Variants in RUNX2 observed in about 807,000 individuals in gnomAD.
The protein encoded by RUNX2 is runt-related transcription factor 2.
A neutral mutation model predicts 51.7 loss-of-function variants in RUNX2; 10 were observed. The observed-to-expected ratio is 0.19, with a 90% CI of 0.12 to 0.33. The LOEUF is 0.33. Ranked by LOEUF, RUNX2 falls within the 10% of genes least tolerant of loss-of-function variation. The probability of loss-of-function intolerance (pLI) is 1.00; values close to 1 mark genes in which losing one functional copy is unlikely to be tolerated. For synonymous variants in RUNX2, 276 were observed against 273.6 expected, an observed-to-expected ratio of 1.01 and a Z score of -0.09; for missense variants, 562 against 691.3, an observed-to-expected ratio of 0.81 and a Z score of 2.10.
In RUNX2 at chr6:45,422,774, G is replaced by T. The variant is rs6921145; in HGVS notation, c.240G>T (p.Ala80=). The T allele has an allele frequency of 5.4e-6, 8 of 1,488,192 alleles. No homozygotes were observed. In the East Asian group the frequency reaches 1.7e-4, roughly 31 times the overall value. 92.2% of individuals were successfully genotyped at this position (1,488,192 alleles called of 1,614,324 possible). A position where few individuals can be genotyped will look rare whatever the true frequency, so the allele number is the denominator to read the frequency against. Residue 80 remains alanine (A), a synonymous_variant, in exon 3 of 9, where the codon GCG becomes GCT. Coordinates refer to ENST00000647337, the MANE Select transcript of RUNX2 (RefSeq NM_001024630.4). ...QQEAAAAAAA[A]AAAAAAAAAV... is the part of the protein sequence containing the mutation. The stretch of plus-strand genomic sequence containing the variant: ...AGGCGGCGGCGGCGGCTGCGGCGGC[G>T]GCGGCGGCTGCGGCGGCGGCAGCTG...
At chr6:45,368,592 C>T (rs1028824274) in intron 2 of RUNX2, among the ~76,000 whole-genome samples, 2 of 152,024 alleles carry the variant, frequency 1.3e-5, no homozygotes, top group Non-Finnish European at 2.9e-5. Context: ...CTTAAAAGAC[C>T]TCAAATTGTT....
At chr6:45,483,223 A>T (rs1368636819) in intron 5 of RUNX2, among the ~76,000 whole-genome samples, 1 of 152,204 alleles carries the variant, frequency 6.6e-6, no homozygotes, top group Non-Finnish European at 1.5e-5. Flanking sequence ...TCATTATTCT[A>T]GTCCAGAAAT....
At chr6:45,522,017 C>T (rs889889474) in intron 7 of RUNX2, among the ~76,000 whole-genome samples, 1 of 152,044 alleles carries the variant, frequency 6.6e-6, no homozygotes, top group Admixed American at 6.5e-5. Context: ...TAGGTTTTAC[C>T]TTATTTAATT....
intron 2 of RUNX2, among the ~76,000 whole-genome samples, chr6:45,363,702 T>C (rs1794657138): frequency 6.6e-6 from 1 of 152,066 alleles, no homozygotes; most frequent in African/African-American, 2.4e-5. Context: ...AAAATGTATA[T>C]AAGCATAAAC....
chr6:45,437,522 T>C (rs1798717265), intron 4 of RUNX2, among the ~76,000 whole-genome samples: 1 of 152,156 alleles, frequency 6.6e-6, no homozygotes, highest in Non-Finnish European at 1.5e-5. Context: ...AATAACATAA[T>C]CAACAATGAT....
At chr6:45,342,215 AG>A (rs938514138) in intron 2 of RUNX2, among the ~76,000 whole-genome samples, 2 of 152,044 alleles carry the variant, frequency 1.3e-5, no homozygotes, top group African/African-American at 4.8e-5. Flanking sequence ...TTGTCACTAC[AG>A]TTGTGCCTAG....
chr6:45,493,650 T>TAA (rs77936464), intron 6 of RUNX2, among the ~76,000 whole-genome samples: 1 of 147,800 alleles, frequency 6.8e-6, no homozygotes, highest in African/African-American at 2.5e-5. Flanking sequence ...TAAATATATG[T>TAA]AAAAAAAAAA....
At chr6:45,391,152 C>T (rs1208270897) in intron 2 of RUNX2, among the ~76,000 whole-genome samples, 1 of 152,128 alleles carries the variant, frequency 6.6e-6, no homozygotes, top group East Asian at 1.9e-4. Context: ...GGATGTTTAT[C>T]CACACGAAAT....
At chr6:45,478,889 T>C (rs557543478) in intron 5 of RUNX2, among the ~76,000 whole-genome samples, 1 of 152,212 alleles carries the variant, frequency 6.6e-6, no homozygotes, top group East Asian at 1.9e-4. Context: ...TTTCTTTTCT[T>C]TTCTTTTCTT....
At chr6:45,401,517 T>C (rs1797712054) in intron 2 of RUNX2, among the ~76,000 whole-genome samples, 1 of 152,204 alleles carries the variant, frequency 6.6e-6, no homozygotes, top group Non-Finnish European at 1.5e-5. Context: ...TATAACTTCT[T>C]TGAGTCCATT....
chr6:45,512,540 CAAATT>C (rs1801195342), intron 7 of RUNX2, 133 bp downstream of exon 7: 2 of 932,456 alleles, frequency 2.1e-6, no homozygotes, highest in Non-Finnish European at 3.4e-6. Flanking sequence ...TGACAACTGG[CAAATT>C]AAATCTTCTG....
chr6:45,374,249 A>G (rs1364116952), intron 2 of RUNX2, among the ~76,000 whole-genome samples: 1 of 152,238 alleles, frequency 6.6e-6, no homozygotes, highest in African/African-American at 2.4e-5. Context: ...ACCAACCCAC[A>G]TAACATCTCA....
intron 2 of RUNX2, among the ~76,000 whole-genome samples, chr6:45,405,595 C>A (rs953579746): frequency 6.6e-6 from 1 of 152,168 alleles, no homozygotes; most frequent in Admixed American, 6.5e-5. Flanking sequence ...TCAAGACCAG[C>A]CTGGCCAATA....
At chr6:45,513,767 T>C (rs1351748888) in intron 7 of RUNX2, 2 of 152,220 alleles carry the variant, frequency 1.3e-5, no homozygotes, top group Admixed American at 6.5e-5. Flanking sequence ...ATAGTATGTA[T>C]TGGGGAATTG....
intron 4 of RUNX2, among the ~76,000 whole-genome samples, chr6:45,434,051 G>C (rs977869207): frequency 6.6e-6 from 1 of 152,132 alleles, no homozygotes; most frequent in African/African-American, 2.4e-5. Context: ...GGGGTAGGGG[G>C]AGTGGGTGGA....
intron 5 of RUNX2, among the ~76,000 whole-genome samples, chr6:45,463,744 T>G (rs547228886): frequency 1.3e-5 from 2 of 152,204 alleles, no homozygotes; most frequent in Non-Finnish European, 2.9e-5. Context: ...GGGTCAGCTT[T>G]GAGACAGTAC....
At chr6:45,387,026 A>G (rs556194515) in intron 2 of RUNX2, among the ~76,000 whole-genome samples, 1 of 152,340 alleles carries the variant, frequency 6.6e-6, no homozygotes, top group Admixed American at 6.5e-5. Flanking sequence ...GATACGGGCT[A>G]GAGTTAAGTC....
At chr6:45,401,745 C>T (rs779573730) in intron 2 of RUNX2, among the ~76,000 whole-genome samples, 9 of 152,222 alleles carry the variant, frequency 5.9e-5, no homozygotes, top group Non-Finnish European at 1.3e-4. Flanking sequence ...AACAGGCATA[C>T]AAATGCCAGT....
chr6:45,432,069 C>A, intron 4 of RUNX2, 50 bp downstream of exon 4: 3 of 1,563,602 alleles, frequency 1.9e-6, no homozygotes, highest in Non-Finnish European at 2.6e-6. Flanking sequence ...CATTAGGCTC[C>A]TTTGATGAAA....
Sources: gnomAD v4.1 joint callset for allele counts (sites outside exome capture counted in the v4.1 genomes callset) on GRCh38, gnomAD v4.1.1 for gene constraint, MANE v1.5 for transcripts, NCBI Gene and HGNC (gene_info 2026-07-23, HGNC 2026-07-21) for gene names.